DHX8: variants seen among roughly 807,000 people sequenced by gnomAD.
The protein encoded by DHX8 is ATP-dependent RNA helicase DHX8.
A neutral mutation model predicts 140.7 loss-of-function variants in DHX8; 67 were observed. The observed-to-expected ratio is 0.48, with a 90% CI of 0.39 to 0.58. DHX8 has a LOEUF of 0.58. DHX8 is among the 20% of genes least tolerant of loss of function. The pLI is 0.00. For missense variants in DHX8, 887 were observed against 1,550.7 expected (o/e 0.57, Z 7.19); for synonymous variants, 533 against 553.2 (o/e 0.96, Z 0.51).
At chr17:43,518,901 T>C (rs1970243765) in intron 18 of DHX8, 1 of 152,262 alleles carries the variant, frequency 6.6e-6, no homozygotes, top group Non-Finnish European at 1.5e-5. Flanking sequence ...TTTCAAGATT[T>C]ATTCATGTTA....
At chr17:43,490,352 T>C (rs780692201) in intron 2 of DHX8, 39 bp from the exon 3 acceptor site, 3 of 1,535,510 alleles carry the variant, frequency 2.0e-6, no homozygotes, top group Non-Finnish European at 1.8e-6. Context: ...AGCACTGATA[T>C]GGGAGCTGAC....
chr17:43,508,583 A>C, intron 16 of DHX8, 63 bp downstream of exon 16: 1 of 1,169,354 alleles, frequency 8.6e-7, no homozygotes, highest in Admixed American at 2.2e-5. Context: ...GCAGCCTGTC[A>C]GCCATAGTAG....
At chr17:43,492,081 A>G (rs1968550869) in intron 4 of DHX8, 102 bp from the exon 5 acceptor site, 5 of 786,972 alleles carry the variant, frequency 6.4e-6, no homozygotes, top group Admixed American at 4.4e-5. Flanking sequence ...CCCCTCTTCT[A>G]TTTCCCTCAC....
intron 22 of DHX8, 78 bp from the exon 23 acceptor site, chr17:43,523,550 A>C: frequency 6.3e-7 from 1 of 1,578,010 alleles, no homozygotes; most frequent in South Asian, 1.2e-5. Flanking sequence ...AGCTCAGCTG[A>C]GGCCTACTAG....
At chr17:43,488,237 C>T (rs909206446) in intron 1 of DHX8, among the ~76,000 whole-genome samples, 2 of 151,508 alleles carry the variant, frequency 1.3e-5, no homozygotes, top group Admixed American at 6.6e-5. Flanking sequence ...AAGATCCCGC[C>T]ACTGCACTCC....
At chr17:43,520,297 T>C (rs934659178) in intron 19 of DHX8, 30 bp downstream of exon 19, 2 of 1,608,638 alleles carry the variant, frequency 1.2e-6, no homozygotes, top group Non-Finnish European at 1.7e-6. Context: ...TCCTGTGCTT[T>C]TGGGAAGATT....
At position 43,504,810 on chromosome 17, in the gene DHX8, G is replaced by A. The variant is rs1212343994; in HGVS notation, c.1713G>A (p.Lys571=). Residue 571 remains lysine, a synonymous_variant, in exon 12 of 23, where the codon AAG becomes AAA. Coordinates refer to ENST00000262415, the MANE Select transcript of DHX8 (RefSeq NM_004941.3). ...QRESLPIYKL[K]EQLVQAVHDN... ...AGAGCCTGCCCATCTACAAACTGAA[G>A]GAGCAATTGGTCCAGGTGAGAAGAC... The A allele has an allele frequency of 1.9e-6, 3 of 1,613,858 alleles. No individual in the cohort carries two copies. The highest frequency in any genetic ancestry group is 1.7e-5 in the Admixed American group (1 of 59,932).
At chr17:43,504,165 G>T (rs575243145) in intron 11 of DHX8, among the ~76,000 whole-genome samples, 1 of 152,118 alleles carries the variant, frequency 6.6e-6, no homozygotes, top group Non-Finnish European at 1.5e-5. Flanking sequence ...AGAGTGCTGC[G>T]CATGGTGGCC....
In DHX8 at chr17:43,524,371, T is replaced by G; in HGVS notation, c.*524T>G. ...TAGCCGAAAGGTTAGGATATTGGCCTGGGCTCAGGGTGAGGGAGATTTAGT... is the reference window on the plus strand; with the variant it reads ...TAGCCGAAAGGTTAGGATATTGGCCGGGGCTCAGGGTGAGGGAGATTTAGT... On this transcript the variant is annotated 3_prime_UTR_variant, in exon 23 of 23. Transcript: ENST00000262415. 1.0e-6 allele frequency: 1 copy of G among 996,518 alleles called. No individual in the cohort carries two copies. Among genetic ancestry groups the G allele is most frequent in the African/African-American group, 1.7e-5 (1 of 57,494 alleles). The allele number at this position is 996,518 out of a possible 1,614,324, so 61.7% of individuals were successfully genotyped here. A position where few individuals can be genotyped will look rare whatever the true frequency, so the allele number is the denominator to read the frequency against.
At chr17:43,530,399 T>A (rs1970850768), downstream of DHX8, 1 of 1,428,946 alleles carries the variant, frequency 7.0e-7, no homozygotes, top group Non-Finnish European at 9.2e-7. Context: ...GGGCTGCGGC[T>A]GAGGCCATGG....
Position 43,484,205 on chromosome 17 carries a change from TG to T in DHX8, c.148+23del, listed in dbSNP as rs1967978248. On this transcript the variant is annotated intron_variant, in intron 1 of 22. Coordinates refer to ENST00000262415, the MANE Select transcript of DHX8 (RefSeq NM_004941.3). ...ACCTTGGTGAGCTCGGGGAGGTCCC[TG>T]GGACCTCAGTTTGGGATTGAGGGAA... is the stretch of plus-strand genomic sequence containing the variant. 6.2e-7 allele frequency: 1 copy of T among 1,608,640 alleles called. No individual in the cohort carries two copies. Among genetic ancestry groups the T allele is most frequent in the South Asian group, 1.1e-5 (1 of 90,750 alleles).
At chr17:43,495,225 A>G (rs535453449) in intron 8 of DHX8, among the ~76,000 whole-genome samples, 1 of 152,308 alleles carries the variant, frequency 6.6e-6, no homozygotes, top group Non-Finnish European at 1.5e-5. Flanking sequence ...AAGGAACTCA[A>G]AGTCCAGCAG....
In DHX8 at chr17:43,489,657, C is replaced by T; in HGVS notation, c.234+123C>T. ...CTGGGCTGGAGTGCAGTGGCGCCAC[C>T]TCAGCTCACTGCAAGCTCCGCCTCC... On this transcript the variant is annotated intron_variant, in intron 2 of 22. Coordinates refer to ENST00000262415, the MANE Select transcript of DHX8 (RefSeq NM_004941.3). 3 of 610,646 alleles carry T rather than the reference C, an allele frequency of 4.9e-6. No homozygotes were observed. The East Asian group carries it at 9.5e-5, about 19-fold the overall frequency. The allele number at this position is 610,646 out of a possible 1,614,324, so 37.8% of individuals were successfully genotyped here.
chr17:43,519,772 C>T (rs544960458), intron 18 of DHX8: 2 of 179,682 alleles, frequency 1.1e-5, no homozygotes, highest in South Asian at 2.1e-4. Flanking sequence ...AAAACGCCAT[C>T]TCTACTGAAA....
intron 18 of DHX8, 142 bp from the exon 19 acceptor site, chr17:43,519,988 C>T (rs1970295398): frequency 1.2e-6 from 1 of 823,588 alleles, no homozygotes; most frequent in African/African-American, 1.7e-5. Flanking sequence ...GTGGCCCAGC[C>T]CTGGAAGTTA....
rs1303877900 is a variant in DHX8, at chr17:43,507,979, C to T, written c.2280C>T (p.Ser760=). Residue 760 remains serine, a synonymous_variant, in exon 15 of 23, where the codon AGC becomes AGT. Transcript: ENST00000262415. The stretch of plus-strand genomic sequence containing the variant: ...CTGAGACAGATTATCTGGATGCCAG[C>T]CTGATTACTGTTATGCAGATTCATT... The part of the protein sequence containing the change: ...KEPETDYLDA[S]LITVMQIHLT... The T allele has an allele frequency of 3.7e-6, 6 of 1,614,030 alleles. No homozygotes were observed. The highest frequency in any genetic ancestry group is 5.1e-6 in the Non-Finnish European group (6 of 1,180,028).
chr17:43,488,064 G>A (rs1968277447), intron 1 of DHX8, among the ~76,000 whole-genome samples: 1 of 152,130 alleles, frequency 6.6e-6, no homozygotes, highest in Non-Finnish European at 1.5e-5. Flanking sequence ...CAAATCACAA[G>A]GTCGTGGGTT....
chr17:43,520,089 A>G (rs1970302228), intron 18 of DHX8, 41 bp from the exon 19 acceptor site: 6 of 1,612,732 alleles, frequency 3.7e-6, no homozygotes, highest in Non-Finnish European at 5.1e-6. Context: ...CACTGGCTAG[A>G]CTGACCCTCT....
At chr17:43,485,247 C>T (rs1968071787) in intron 1 of DHX8, among the ~76,000 whole-genome samples, 1 of 152,016 alleles carries the variant, frequency 6.6e-6, no homozygotes, top group African/African-American at 2.4e-5. Context: ...CTTCAGTTTC[C>T]TAAATGAAGA....
Sources: allele counts gnomAD v4.1 joint callset (sites outside exome capture counted in the v4.1 genomes callset), GRCh38; gene constraint gnomAD v4.1.1; transcripts MANE v1.5; gene names NCBI Gene and HGNC (gene_info 2026-07-23, HGNC 2026-07-21).